Variants in LAMB4 observed in about 807,000 individuals in gnomAD.
LAMB4 encodes the protein laminin subunit beta 4, also known as laminin subunit beta-4.
A neutral mutation model predicts 199.2 loss-of-function variants in LAMB4; 196 were observed. The ratio of observed to expected loss-of-function variants is 0.98; its 90% CI spans 0.88 to 1.11. The LOEUF (loss-of-function observed/expected upper bound fraction) is 1.11. Among genes scored for constraint, LAMB4 ranks in the 50% least tolerant of loss-of-function variants. The pLI is 0.00. For synonymous variants in LAMB4, 744 were observed against 770.6 expected (o/e 0.97, Z 0.57); for missense variants, 2,080 against 2,171.2 (o/e 0.96, Z 0.83).
At chr7:108,105,066 C>T (rs2037954476) in intron 8 of LAMB4, among the ~76,000 whole-genome samples, 1 of 152,056 alleles carries the variant, frequency 6.6e-6, no homozygotes, top group Non-Finnish European at 1.5e-5. Context: ...GGCTCACATG[C>T]AGAGAGAGAA....
At chr7:108,062,635 C>G (rs946868232) in intron 23 of LAMB4, 139 bp downstream of exon 23, 4 of 458,304 alleles carry the variant, frequency 8.7e-6, no homozygotes, top group Non-Finnish European at 1.5e-5. Context: ...GAGGCTGACT[C>G]CATCCCCTGT....
intron 19 of LAMB4, among the ~76,000 whole-genome samples, chr7:108,067,498 AC>A (rs2036383073): frequency 6.6e-6 from 1 of 152,194 alleles, no homozygotes; most frequent in Non-Finnish European, 1.5e-5. Flanking sequence ...CCCCATCTAA[AC>A]CTTTATCAAT....
chr7:108,039,360 TTCTG>T lies in LAMB4; in HGVS notation c.4472-1769_4472-1766del, dbSNP rs141819231. ...CTTAATATAAATGAAATATTTTACT[TTCTG>T]TAATATTTTTGAAGCAATGTGACAA... is the stretch of plus-strand genomic sequence containing the variant. On this transcript the variant is annotated intron_variant, in intron 29 of 33. Transcript: ENST00000388781. 4.7e-3 allele frequency among the ~76,000 whole-genome samples: 717 copies of T among 152,316 alleles called. 20 individuals carry two copies. In the East Asian group the frequency reaches 0.083, roughly 18 times the overall value.
Position 108,116,179 on chromosome 7 carries a change from T to C in LAMB4, c.35-18A>G, listed in dbSNP as rs985448355. On this transcript the variant is annotated intron_variant, in intron 2 of 33. Transcript: ENST00000388781. Reference sequence around the variant, plus strand: ...GAGCCACCCTTGAACACAACAGAAATAGCTTACACGGAAGGCAGTCTAAGG... The same window carrying C: ...GAGCCACCCTTGAACACAACAGAAACAGCTTACACGGAAGGCAGTCTAAGG... 2 of 1,606,938 alleles carry C rather than the reference T, an allele frequency of 1.2e-6. No individual in the cohort carries two copies. Among genetic ancestry groups the C allele is most frequent in the Admixed American group, 3.3e-5 (2 of 59,818 alleles).
At chr7:108,046,386 C>T (rs1252553323) in intron 28 of LAMB4, among the ~76,000 whole-genome samples, 11 of 151,734 alleles carry the variant, frequency 7.2e-5, no homozygotes, top group African/African-American at 2.4e-4. Flanking sequence ...CCACTGCACC[C>T]GGCCAGGAGT....
chr7:108,044,671 G>A (rs1164965221), intron 28 of LAMB4, among the ~76,000 whole-genome samples: 1 of 152,114 alleles, frequency 6.6e-6, no homozygotes, highest in Non-Finnish European at 1.5e-5. Context: ...AATAAAATCC[G>A]CTGGGCATGG....
At chr7:108,035,546 G>GA (rs71137604) in intron 30 of LAMB4, among the ~76,000 whole-genome samples, 71,025 of 107,808 alleles carry the variant, frequency 0.66, 23,340 homozygotes, top group South Asian at 0.78. Context: ...TGTCTCAAAA[G>GA]AAAAAAAAAA....
chr7:108,031,426 A>G (rs2035036036), intron 31 of LAMB4, among the ~76,000 whole-genome samples: 1 of 151,466 alleles, frequency 6.6e-6, no homozygotes, highest in African/African-American at 2.4e-5. Flanking sequence ...ATAGCCATGT[A>G]TCCACCAGCC....
Position 108,071,685 on chromosome 7 carries a change from G to A in LAMB4, c.2125-1800C>T, listed in dbSNP as rs539602614. ...CCCACACACATCAAATCACAAGCCT[G>A]GCCAATTCCTCCTCTTAGATGTGTC... On this transcript the variant is annotated intron_variant, in intron 17 of 33. Coordinates refer to ENST00000388781, the MANE Select transcript of LAMB4 (RefSeq NM_007356.3). Among the ~76,000 whole-genome samples the A allele has an allele frequency of 2.6e-5, 4 of 152,176 alleles. No individual in the cohort carries two copies. The South Asian group carries it at 8.3e-4, about 32-fold the overall frequency.
chr7:108,055,630 A>T lies in LAMB4; in HGVS notation c.3755+2T>A. 1 of 1,610,184 alleles carries T rather than the reference A, an allele frequency of 6.2e-7. No homozygotes were observed. The highest frequency in any genetic ancestry group is 2.2e-5 in the East Asian group (1 of 44,878). ...TGTCTGTTACTTGAGCATAAATCTTACCTAACAGAGTCATGATAATCCTTG... is the reference window on the plus strand; with the variant it reads ...TGTCTGTTACTTGAGCATAAATCTTTCCTAACAGAGTCATGATAATCCTTG... On this transcript the variant is annotated splice_donor_variant, in intron 25 of 33. Transcript: ENST00000388781. LOFTEE classifies it high-confidence loss of function.
intron 10 of LAMB4, among the ~76,000 whole-genome samples, chr7:108,098,788 T>C (rs556195351): frequency 6.6e-6 from 1 of 152,342 alleles, no homozygotes; most frequent in South Asian, 2.1e-4. Context: ...CATGCATATA[T>C]TTTTAAAAGA....
At chr7:108,120,524 T>C (rs1295421697) in intron 2 of LAMB4, among the ~76,000 whole-genome samples, 1 of 152,244 alleles carries the variant, frequency 6.6e-6, no homozygotes, top group Non-Finnish European at 1.5e-5. Flanking sequence ...GAGATAGCTA[T>C]GTGAAGAAAG....
intron 8 of LAMB4, 79 bp from the exon 9 acceptor site, chr7:108,104,698 T>C: frequency 6.6e-7 from 1 of 1,522,508 alleles, no homozygotes; most frequent in Non-Finnish European, 9.0e-7. Context: ...GGAAATGAAA[T>C]ACCAGGTCCT....
At chr7:108,097,548 G>A (rs779329899) in intron 11 of LAMB4, among the ~76,000 whole-genome samples, 8 of 152,218 alleles carry the variant, frequency 5.3e-5, no homozygotes, top group Non-Finnish European at 7.3e-5. Flanking sequence ...CACTTTGGGA[G>A]GCCGAGACGG....
chr7:108,027,872 TC>T (rs2034890859), intron 33 of LAMB4, among the ~76,000 whole-genome samples: 1 of 152,216 alleles, frequency 6.6e-6, no homozygotes, highest in South Asian at 2.1e-4. Flanking sequence ...AACCTCCGCC[TC>T]CTGGGTTCAA....
intron 14 of LAMB4, among the ~76,000 whole-genome samples, chr7:108,089,759 CCCAAA>C (rs1453224871): frequency 1.3e-5 from 2 of 152,306 alleles, no homozygotes; most frequent in African/African-American, 4.8e-5. Flanking sequence ...ACCTCCCAGG[CCCAAA>C]CTATCCTTCT....
chr7:108,091,481 G>T, intron 14 of LAMB4, 145 bp downstream of exon 14: 1 of 843,718 alleles, frequency 1.2e-6, no homozygotes, highest in Non-Finnish European at 1.8e-6. Context: ...ATCTGCATTT[G>T]CAGGTTATAA....
intron 3 of LAMB4, among the ~76,000 whole-genome samples, chr7:108,112,744 C>T (rs1373428582): frequency 6.6e-6 from 1 of 152,228 alleles, no homozygotes; most frequent in Non-Finnish European, 1.5e-5. Context: ...TTATTCCTGG[C>T]TAATACTCAG....
chr7:108,043,771 T>C lies in LAMB4; in HGVS notation c.4452A>G (p.Lys1484=), dbSNP rs1201124777. ...AATTACCTAACAAAAAGTTTTTCAC[T>C]TTTTTGATGAAAAGATTGATGTTTT... ...EEENINLFIK[K]VKNFLLEENV... Residue 1484 remains lysine, a synonymous_variant, in exon 29 of 34, where the codon AAA becomes AAG. Coordinates refer to ENST00000388781, the MANE Select transcript of LAMB4 (RefSeq NM_007356.3). The C allele has an allele frequency of 4.4e-6, 7 of 1,583,214 alleles. No homozygotes were observed. The highest frequency in any genetic ancestry group is 6.0e-6 in the Non-Finnish European group (7 of 1,164,086).
Sources: gnomAD v4.1 joint callset for allele counts (sites outside exome capture counted in the v4.1 genomes callset) on GRCh38, gnomAD v4.1.1 for gene constraint, MANE v1.5 for transcripts, NCBI Gene and HGNC (gene_info 2026-07-23, HGNC 2026-07-21) for gene names.